The following POTEJ variants were observed in gnomAD, a reference collection of about 807,000 sequenced individuals.
The protein encoded by POTEJ is POTE ankyrin domain family, member J.
In POTEJ, 11 loss-of-function variants were observed where a neutral mutation model predicts 69.0. That is an observed-to-expected ratio of 0.16 (90% CI 0.10 to 0.26). The LOEUF is 0.26. Ranked by LOEUF, POTEJ falls within the 10% of genes least tolerant of loss-of-function variation. The pLI, the probability that POTEJ is intolerant of heterozygous loss-of-function variation, is 1.00. For missense variants in POTEJ, 327 were observed against 1,045.5 expected, an observed-to-expected ratio of 0.31 and a Z score of 9.48; for synonymous variants, 117 against 381.1, an observed-to-expected ratio of 0.31 and a Z score of 8.07.
chr2:130,618,328 C>G (rs1685438702), intron 3 of POTEJ, among the ~76,000 whole-genome samples: 2 of 152,302 alleles, frequency 1.3e-5, no homozygotes, highest in Non-Finnish European at 1.5e-5. Context: ...TAGCTTTCAG[C>G]TAGAATTGTG....
At chr2:130,626,909 C>G (rs1685730815) in intron 6 of POTEJ, among the ~76,000 whole-genome samples, 1 of 151,712 alleles carries the variant, frequency 6.6e-6, no homozygotes, top group Non-Finnish European at 1.5e-5. Flanking sequence ...AGTTGGCAGG[C>G]TTTTTTTTAA....
At chr2:130,615,699 C>T (rs183431212) in intron 1 of POTEJ, among the ~76,000 whole-genome samples, 214 of 148,492 alleles carry the variant, frequency 1.4e-3, no homozygotes, top group South Asian at 0.011. Context: ...TACAACCAAC[C>T]CCCTTGGTGC....
At chr2:130,639,032 C>G (rs1274770751) in intron 10 of POTEJ, among the ~76,000 whole-genome samples, 1 of 152,282 alleles carries the variant, frequency 6.6e-6, no homozygotes, top group Non-Finnish European at 1.5e-5. Flanking sequence ...CTCAGATGGG[C>G]AGTTCACAAC....
chr2:130,612,619 C>T (rs1259902468), intron 1 of POTEJ, among the ~76,000 whole-genome samples: 78 of 149,078 alleles, frequency 5.2e-4, no homozygotes, highest in African/African-American at 1.7e-3. Context: ...AAAAATTAGC[C>T]GGGCACGGTG....
chr2:130,634,166 C>T (rs1221694276), intron 9 of POTEJ, among the ~76,000 whole-genome samples: 1 of 152,234 alleles, frequency 6.6e-6, no homozygotes, highest in Non-Finnish European at 1.5e-5. Flanking sequence ...GGATTTGGCC[C>T]AAGGTGCTAA....
At chr2:130,624,883 C>T (rs1685646810) in intron 6 of POTEJ, among the ~76,000 whole-genome samples, 2 of 152,120 alleles carry the variant, frequency 1.3e-5, no homozygotes, top group African/African-American at 2.4e-5. Flanking sequence ...CTCCTACCTG[C>T]TGGTTAATTG....
intron 10 of POTEJ, among the ~76,000 whole-genome samples, chr2:130,639,201 G>A (rs1212246818): frequency 3.9e-5 from 6 of 152,306 alleles, no homozygotes; most frequent in African/African-American, 1.2e-4. Flanking sequence ...GTTCCTAACA[G>A]ACCGTGGACT....
At chr2:130,642,749 T>C (rs1187613172) in intron 10 of POTEJ, among the ~76,000 whole-genome samples, 1 of 152,270 alleles carries the variant, frequency 6.6e-6, no homozygotes, top group Admixed American at 6.5e-5. Context: ...TCTCTGGCAT[T>C]ACTGAGCTGC....
intron 1 of POTEJ, among the ~76,000 whole-genome samples, chr2:130,612,611 A>G (rs1367057828): frequency 1.3e-5 from 2 of 150,092 alleles, no homozygotes; most frequent in East Asian, 3.9e-4. Context: ...ATTATAAAAA[A>G]AATTAGCCGG....
chr2:130,634,086 T>C (rs1686003302), intron 9 of POTEJ, among the ~76,000 whole-genome samples: 1 of 152,162 alleles, frequency 6.6e-6, no homozygotes, highest in Admixed American at 6.5e-5. Context: ...TAATTGACAC[T>C]ATGGACTGTA....
chr2:130,641,105 A>G (rs1357139082), intron 10 of POTEJ, among the ~76,000 whole-genome samples: 15 of 152,052 alleles, frequency 9.9e-5, no homozygotes, highest in South Asian at 2.1e-4. Flanking sequence ...CCATGATTAT[A>G]TGTAAGCAAA....
chr2:130,613,487 T>A (rs1374876340), intron 1 of POTEJ, among the ~76,000 whole-genome samples: 2 of 140,002 alleles, frequency 1.4e-5, no homozygotes, highest in Non-Finnish European at 3.0e-5. Flanking sequence ...CTGCAACCTC[T>A]GCCTCCTAGG....
At position 130,657,094 on chromosome 2, in the gene POTEJ, C is replaced by T. The variant is rs577256519; in HGVS notation, c.2334C>T (p.Asn778=). The change falls in exon 15 of 15, where the codon AAC becomes AAT. Residue 778 remains asparagine (N), a synonymous_variant. Transcript: ENST00000409602. The stretch of plus-strand genomic sequence containing the variant: ...AGGCCCCCCTGAACCCCAAGGCCAA[C>T]CGCGAGAAGATGACCCAGATCATGT... ...LTEAPLNPKA[N]REKMTQIMFE... 3.2e-6 allele frequency: 5 copies of T among 1,579,478 alleles called. No individual in the cohort carries two copies. Among genetic ancestry groups the T allele is most frequent in the South Asian group, 1.1e-5 (1 of 90,698 alleles).
At chr2:130,640,718 A>G (rs1424131567) in intron 10 of POTEJ, among the ~76,000 whole-genome samples, 1 of 152,110 alleles carries the variant, frequency 6.6e-6, no homozygotes, top group Non-Finnish European at 1.5e-5. Flanking sequence ...TGGCTGGGTC[A>G]TACCACATGC....
At chr2:130,639,347 A>G (rs1686246940) in intron 10 of POTEJ, among the ~76,000 whole-genome samples, 1 of 152,306 alleles carries the variant, frequency 6.6e-6, no homozygotes, top group South Asian at 2.1e-4. Context: ...GCTTGTGCCA[A>G]CAAGGTCTCA....
At chr2:130,634,271 GA>G (rs1389204075) in intron 9 of POTEJ, among the ~76,000 whole-genome samples, 5,575 of 144,198 alleles carry the variant, frequency 0.039, 77 homozygotes, top group African/African-American at 0.15. Context: ...CTTCCTTTGA[GA>G]AAAGGATATA....
chr2:130,656,445 G>A, intron 14 of POTEJ, 104 bp from the exon 15 acceptor site: 1 of 1,438,094 alleles, frequency 7.0e-7, no homozygotes, highest in South Asian at 1.4e-5. Context: ...ATCCACTATG[G>A]GGATTCTTTC....
upstream of POTEJ, among the ~76,000 whole-genome samples, chr2:130,611,317 C>T (rs1685199755): frequency 7.6e-6 from 1 of 131,116 alleles, no homozygotes; most frequent in Admixed American, 7.6e-5. Flanking sequence ...GGGGGGTTGG[C>T]CCTTCCTCGG....
intron 6 of POTEJ, among the ~76,000 whole-genome samples, chr2:130,629,211 G>T (rs565160261): frequency 1.4e-5 from 2 of 146,222 alleles, no homozygotes; most frequent in African/African-American, 5.3e-5. Context: ...ATTTCATTTA[G>T]GTTCGCACCA....
Sources: allele counts gnomAD v4.1 joint callset (sites outside exome capture counted in the v4.1 genomes callset), GRCh38; gene constraint gnomAD v4.1.1; transcripts MANE v1.5; gene names NCBI Gene and HGNC (gene_info 2026-07-23, HGNC 2026-07-21).